The following CTNNA3 variants were observed in gnomAD, a reference collection of about 807,000 sequenced individuals.
The protein encoded by CTNNA3 is catenin alpha-3.
CTNNA3 carries 76 observed loss-of-function variants against 95.7 expected under a neutral mutation model. The observed-to-expected ratio is 0.79, with a 90% CI of 0.66 to 0.96. The LOEUF (loss-of-function observed/expected upper bound fraction) is 0.96. Among genes scored for constraint, CTNNA3 ranks in the 40% least tolerant of loss-of-function variants. The pLI is 0.00. For synonymous variants in CTNNA3, 431 were observed against 374.4 expected (o/e 1.15, Z -1.74); for missense variants, 1,191 against 1,089.8 (o/e 1.09, Z -1.31).
At chr10:66,329,968 A>G (rs2092304758) in intron 12 of CTNNA3, among the ~76,000 whole-genome samples, 1 of 152,236 alleles carries the variant, frequency 6.6e-6, no homozygotes, top group Middle Eastern at 3.4e-3. Context: ...TAAATATTGC[A>G]TGCTTGGTTA....
chr10:67,635,042 C>T (rs1317469356), intron 2 of CTNNA3, among the ~76,000 whole-genome samples: 8 of 151,942 alleles, frequency 5.3e-5, no homozygotes, highest in Admixed American at 5.3e-4. Flanking sequence ...ACTATAATCA[C>T]CTCTATGCAC....
At chr10:66,337,551 C>T (rs560102750) in intron 12 of CTNNA3, among the ~76,000 whole-genome samples, 3 of 151,966 alleles carry the variant, frequency 2.0e-5, no homozygotes, top group African/African-American at 7.2e-5. Flanking sequence ...GGACTTTGAA[C>T]CAGGTCTGAC....
At chr10:67,076,606 TA>T (rs1218811589) in intron 7 of CTNNA3, among the ~76,000 whole-genome samples, 1 of 152,142 alleles carries the variant, frequency 6.6e-6, no homozygotes, top group African/African-American at 2.4e-5. Context: ...TGAATACAAA[TA>T]ACAGGTTTCA....
Position 67,002,802 on chromosome 10 carries a change from G to A in CTNNA3, c.1047+177515C>T, listed in dbSNP as rs901157585. 3.3e-5 allele frequency among the ~76,000 whole-genome samples: 5 copies of A among 151,844 alleles called. No individual in the cohort carries two copies. The South Asian group carries it at 8.3e-4, about 25-fold the overall frequency. Reference sequence around the variant, plus strand: ...TGCTGGGTTAAATAAACACAATTAGGTTTTATTTAGCATGTATTTGATTAT... The same window carrying A: ...TGCTGGGTTAAATAAACACAATTAGATTTTATTTAGCATGTATTTGATTAT... On this transcript the variant is annotated intron_variant, in intron 7 of 17. Transcript: ENST00000433211.
chr10:66,833,843 C>T (rs994569690), intron 7 of CTNNA3, among the ~76,000 whole-genome samples: 1 of 152,132 alleles, frequency 6.6e-6, no homozygotes, highest in African/African-American at 2.4e-5. Flanking sequence ...TTCACGAATC[C>T]TGTTTCAAGT....
rs796543764 is a variant in CTNNA3 at position 67,388,454 on chromosome 10, G to A, written c.579+133388C>T. ...TCTGATTGGTGTACCTGAAAGTGAT[G>A]GGGAGAATGGAACCAAGTTGGAAAA... On this transcript the variant is annotated intron_variant, in intron 5 of 17. Transcript: ENST00000433211. Among the ~76,000 whole-genome samples, 15 of 123,194 alleles carry A rather than the reference G, an allele frequency of 1.2e-4. No individual in the cohort carries two copies. In the South Asian group the frequency reaches 2.3e-3, roughly 19 times the overall value. 80.8% of individuals were successfully genotyped at this position (123,194 alleles called of 152,430 possible). A position where few individuals can be genotyped will look rare whatever the true frequency, so the allele number is the denominator to read the frequency against.
intron 15 of CTNNA3, among the ~76,000 whole-genome samples, chr10:66,019,979 T>C (rs564906578): frequency 6.6e-6 from 1 of 152,344 alleles, no homozygotes; most frequent in South Asian, 2.1e-4. Context: ...ACAATGGAAA[T>C]AGATTGAGTT....
chr10:67,674,137 G>A (rs929658859), intron 1 of CTNNA3, among the ~76,000 whole-genome samples: 5 of 151,848 alleles, frequency 3.3e-5, no homozygotes, highest in Admixed American at 6.6e-5. Flanking sequence ...CCTCACTCAC[G>A]ATATGACTGT....
At chr10:67,219,978 G>A (rs966277038) in intron 5 of CTNNA3, 108 bp from the exon 6 acceptor site, 2 of 846,042 alleles carry the variant, frequency 2.4e-6, no homozygotes, top group Non-Finnish European at 3.6e-6. Context: ...TAATAGACAT[G>A]AAGAAGTCAG....
At chr10:67,691,619 C>T (rs1840855859) in intron 1 of CTNNA3, among the ~76,000 whole-genome samples, 1 of 150,576 alleles carries the variant, frequency 6.6e-6, no homozygotes, top group Admixed American at 6.6e-5. Flanking sequence ...TGCCTGGCAA[C>T]CGCCCCGTCT....
At chr10:66,605,294 T>C (rs896303622) in intron 10 of CTNNA3, among the ~76,000 whole-genome samples, 1 of 151,972 alleles carries the variant, frequency 6.6e-6, no homozygotes, top group African/African-American at 2.4e-5. Flanking sequence ...AAACCTAAGA[T>C]AAATATGAGA....
At chr10:67,032,098 T>C (rs957977169) in intron 7 of CTNNA3, among the ~76,000 whole-genome samples, 6 of 152,192 alleles carry the variant, frequency 3.9e-5, no homozygotes, top group Admixed American at 6.5e-5. Flanking sequence ...TCATGAAATC[T>C]TCACCATTTT....
chr10:67,386,730 A>ATTTAC (rs1844182295), intron 5 of CTNNA3, among the ~76,000 whole-genome samples: 1 of 152,210 alleles, frequency 6.6e-6, no homozygotes, highest in Non-Finnish European at 1.5e-5. Context: ...GAGGGGTTTC[A>ATTTAC]TTTACTTATG....
intron 5 of CTNNA3, among the ~76,000 whole-genome samples, chr10:67,451,260 C>T (rs1190352100): frequency 6.6e-6 from 1 of 151,890 alleles, no homozygotes; most frequent in South Asian, 2.1e-4. Context: ...GAATCACAAG[C>T]CAAATAAATA....
chr10:67,236,495 A>G (rs1183118588), intron 5 of CTNNA3, among the ~76,000 whole-genome samples: 1 of 116,824 alleles, frequency 8.6e-6, no homozygotes, highest in East Asian at 2.9e-4. Flanking sequence ...GGAACATCAC[A>G]CTCTGGGGAC....
intron 13 of CTNNA3, among the ~76,000 whole-genome samples, chr10:66,251,246 C>T (rs1344597169): frequency 1.3e-5 from 2 of 151,998 alleles, no homozygotes; most frequent in Non-Finnish European, 1.5e-5. Context: ...CATCTCTTTT[C>T]TTACACTGAT....
intron 13 of CTNNA3, among the ~76,000 whole-genome samples, chr10:66,183,791 A>G (rs999210694): frequency 2.0e-5 from 3 of 152,248 alleles, no homozygotes; most frequent in South Asian, 4.1e-4. Context: ...ATTGATACCA[A>G]TTATATACCA....
At chr10:66,517,408 C>A (rs1193750690) in intron 11 of CTNNA3, among the ~76,000 whole-genome samples, 1 of 151,918 alleles carries the variant, frequency 6.6e-6, no homozygotes, top group Non-Finnish European at 1.5e-5. Flanking sequence ...GTCATAAAGA[C>A]CTTGCTGATA....
upstream of CTNNA3, among the ~76,000 whole-genome samples, chr10:67,701,172 C>G (rs927329103): frequency 9.8e-4 from 149 of 152,204 alleles, no homozygotes; most frequent in Non-Finnish European, 1.5e-3. Context: ...AAGTGATGGG[C>G]AGAATGGAAC....
Sources: gnomAD v4.1 joint callset for allele counts (sites outside exome capture counted in the v4.1 genomes callset) on GRCh38, gnomAD v4.1.1 for gene constraint, MANE v1.5 for transcripts, NCBI Gene and HGNC (gene_info 2026-07-23, HGNC 2026-07-21) for gene names.